Variants in RIMS3 observed in about 807,000 individuals in gnomAD.
RIMS3 encodes regulating synaptic membrane exocytosis 3.
Under a neutral mutation model 29.2 loss-of-function variants are expected in RIMS3, and 15 were observed. The ratio of observed to expected loss-of-function variants is 0.51; its 90% CI spans 0.34 to 0.79. RIMS3 has a LOEUF of 0.79. Ranked by LOEUF, RIMS3 falls within the 30% of genes least tolerant of loss-of-function variation. The pLI is 0.01. For missense variants in RIMS3, 342 were observed against 421.4 expected (o/e 0.81, Z 1.65); for synonymous variants, 161 against 170.1 (o/e 0.95, Z 0.41).
intron 2 of RIMS3, among the ~76,000 whole-genome samples, chr1:40,642,440 C>G (rs1310282336): frequency 6.6e-6 from 1 of 152,138 alleles, no homozygotes; most frequent in Non-Finnish European, 1.5e-5. Context: ...CAAATAATAA[C>G]AGGGAGAACA....
chr1:40,691,680 G>C, the RIMS3 span: 1 of 449,972 alleles, frequency 2.2e-6, no homozygotes, highest in African/African-American at 2.0e-5. Flanking sequence ...GCCAAGGGAG[G>C]GGGAAGGGAA....
chr1:40,630,070 CAAAAAA>C (rs35370598), intron 5 of RIMS3, among the ~76,000 whole-genome samples: 1 of 103,708 alleles, frequency 9.6e-6, no homozygotes. Context: ...GACTCCGTCT[CAAAAAA>C]AAAAAAAAAA....
At chr1:40,670,609 T>TATATATATATATATAG (rs55692608), upstream of RIMS3, among the ~76,000 whole-genome samples, 1 of 135,814 alleles carries the variant, frequency 7.4e-6, no homozygotes, top group Non-Finnish European at 1.6e-5. Context: ...TATATATATA[T>TATATATATATATATAG]TTGAGATGGA....
the RIMS3 span, among the ~76,000 whole-genome samples, chr1:40,677,428 G>A: frequency 6.6e-6 from 1 of 151,862 alleles, no homozygotes; most frequent in African/African-American, 2.4e-5. Flanking sequence ...GCCGGGTGCG[G>A]TGGCTCATGC....
At chr1:40,653,581 T>C (rs768145812) in intron 1 of RIMS3, among the ~76,000 whole-genome samples, 11 of 152,060 alleles carry the variant, frequency 7.2e-5, no homozygotes, top group Admixed American at 1.3e-4. Flanking sequence ...GCTGGATGCA[T>C]TGGGGAGGGT....
intron 1 of RIMS3, among the ~76,000 whole-genome samples, chr1:40,656,650 G>A (rs1385797507): frequency 6.6e-6 from 1 of 152,116 alleles, no homozygotes; most frequent in Non-Finnish European, 1.5e-5. Flanking sequence ...GGGCGTGGTG[G>A]TGCATGCCTG....
chr1:40,666,980 G>C (rs992768166), upstream of RIMS3, among the ~76,000 whole-genome samples: 1 of 152,094 alleles, frequency 6.6e-6, no homozygotes, highest in African/African-American at 2.4e-5. Flanking sequence ...AGCCGAGGTC[G>C]CACCACTGCA....
intron 6 of RIMS3, 117 bp downstream of exon 6, chr1:40,629,154 G>A: frequency 9.0e-7 from 1 of 1,110,884 alleles, no homozygotes; most frequent in Admixed American, 1.8e-5. Flanking sequence ...TTCCAGGCAA[G>A]CTGTGACTCC....
the RIMS3 span, among the ~76,000 whole-genome samples, chr1:40,677,645 CTGAGA>C: frequency 6.6e-6 from 1 of 151,956 alleles, no homozygotes; most frequent in African/African-American, 2.4e-5. Flanking sequence ...TTGCAGTGAG[CTGAGA>C]TCACACCACT....
At chr1:40,653,167 T>C (rs939626990) in intron 1 of RIMS3, among the ~76,000 whole-genome samples, 30 of 151,962 alleles carry the variant, frequency 2.0e-4, no homozygotes, top group Non-Finnish European at 1.0e-4. Flanking sequence ...TCACGAGCGC[T>C]CAGGAGAGCA....
At position 40,623,156 on chromosome 1, in the gene RIMS3, T is replaced by A. The variant is rs1469748347; in HGVS notation, c.*3361A>T. 2 of 354,312 alleles carry A rather than the reference T, an allele frequency of 5.6e-6. No homozygotes were observed. Among genetic ancestry groups the A allele is most frequent in the Non-Finnish European group, 1.0e-5 (2 of 198,518 alleles). 21.9% of individuals were successfully genotyped at this position (354,312 alleles called of 1,614,324 possible). On this transcript the variant is annotated 3_prime_UTR_variant, in exon 8 of 8. Transcript: ENST00000372684. ...CTCCTGGGTTCTGCCTCAGCCCCCA[T>A]GAAATGCTGGCATTGCCTGGGACTT...
chr1:40,682,739 A>ATTTTTTTTTTTTTTTTTTTT, the RIMS3 span, among the ~76,000 whole-genome samples: 2 of 46,482 alleles, frequency 4.3e-5, no homozygotes, highest in Admixed American at 1.7e-4. Flanking sequence ...CCCTTTGCAG[A>ATTTTTTTTTTTTTTTTTTTT]TCTTTTTTTT....
the RIMS3 span, among the ~76,000 whole-genome samples, chr1:40,682,896 A>G: frequency 6.6e-6 from 1 of 151,084 alleles, no homozygotes; most frequent in South Asian, 2.1e-4. Flanking sequence ...ACCTACCATC[A>G]CACCCAGCTA....
Position 40,633,200 on chromosome 1 carries a change from G to A in RIMS3, c.360-19C>T, listed in dbSNP as rs763811170. Reference sequence around the variant, plus strand: ...GATGAACCTGCAGGAGGAGGCAGAGGGACGCGTGAGGGGGTCAGGGCAACC... The same window carrying A: ...GATGAACCTGCAGGAGGAGGCAGAGAGACGCGTGAGGGGGTCAGGGCAACC... On this transcript the variant is annotated intron_variant, in intron 4 of 7. Coordinates refer to ENST00000372684, the MANE Select transcript of RIMS3 (RefSeq NM_014747.3). The A allele has an allele frequency of 1.1e-5, 17 of 1,597,170 alleles. No individual in the cohort carries two copies. Among genetic ancestry groups the A allele is most frequent in the Non-Finnish European group, 1.5e-5 (17 of 1,165,124 alleles).
At chr1:40,643,132 GTATT>G (rs1051937404) in intron 2 of RIMS3, among the ~76,000 whole-genome samples, 1 of 151,552 alleles carries the variant, frequency 6.6e-6, no homozygotes, top group Non-Finnish European at 1.5e-5. Flanking sequence ...TCTTTTATTT[GTATT>G]TATTTATTTA....
At chr1:40,664,554 C>A (rs575494303) in intron 1 of RIMS3, among the ~76,000 whole-genome samples, 6 of 152,162 alleles carry the variant, frequency 3.9e-5, no homozygotes, top group Non-Finnish European at 7.4e-5. Flanking sequence ...ACCCAGGTGT[C>A]CAAGCCCTGA....
chr1:40,656,441 A>C (rs1343092329), intron 1 of RIMS3, among the ~76,000 whole-genome samples: 1 of 152,194 alleles, frequency 6.6e-6, no homozygotes, highest in Non-Finnish European at 1.5e-5. Context: ...GCCTAGCCTG[A>C]GAGCTCTCTG....
the RIMS3 span, among the ~76,000 whole-genome samples, chr1:40,671,825 T>A: frequency 6.6e-6 from 1 of 150,446 alleles, no homozygotes; most frequent in Non-Finnish European, 1.5e-5. Context: ...TGCAGTGGCG[T>A]GATCTCAGCT....
chr1:40,628,369 C>T (rs1467340896), intron 7 of RIMS3, among the ~76,000 whole-genome samples: 1 of 152,226 alleles, frequency 6.6e-6, no homozygotes, highest in Non-Finnish European at 1.5e-5. Context: ...AGTCACCTGG[C>T]CTGGGCTCAC....
Sources: allele counts gnomAD v4.1 joint callset (sites outside exome capture counted in the v4.1 genomes callset), GRCh38; gene constraint gnomAD v4.1.1; transcripts MANE v1.5; gene names NCBI Gene and HGNC (gene_info 2026-07-23, HGNC 2026-07-21).